MAST4: variants seen among roughly 807,000 people sequenced by gnomAD.
MAST4 encodes the protein microtubule-associated serine/threonine-protein kinase 4.
A neutral mutation model predicts 162.7 loss-of-function variants in MAST4; 89 were observed. The ratio of observed to expected loss-of-function variants is 0.55; its 90% CI spans 0.46 to 0.65. The LOEUF (loss-of-function observed/expected upper bound fraction) is 0.65. Among genes scored for constraint, MAST4 ranks in the 30% least tolerant of loss-of-function variants. The probability of loss-of-function intolerance (pLI) is 0.00; values close to 1 mark genes in which losing one functional copy is unlikely to be tolerated. For missense variants in MAST4, 3,153 were observed against 3,374.0 expected, an observed-to-expected ratio of 0.93 and a Z score of 1.62; for synonymous variants, 1,479 against 1,361.1, an observed-to-expected ratio of 1.09 and a Z score of -1.91.
At chr5:66,637,742 G>T (rs2149430717) in intron 1 of MAST4, among the ~76,000 whole-genome samples, 1 of 151,690 alleles carries the variant, frequency 6.6e-6, no homozygotes, top group Non-Finnish European at 1.5e-5. Flanking sequence ...GTCTTACTCT[G>T]CCTCCCAGGC....
intron 1 of MAST4, among the ~76,000 whole-genome samples, chr5:66,626,956 A>G (rs1420952159): frequency 6.6e-6 from 1 of 152,194 alleles, no homozygotes; most frequent in Non-Finnish European, 1.5e-5. Context: ...CTTACAGGTC[A>G]GGAAGATACG....
chr5:66,791,528 TA>T (rs776305650), intron 3 of MAST4, among the ~76,000 whole-genome samples: 7 of 152,226 alleles, frequency 4.6e-5, no homozygotes, highest in African/African-American at 7.2e-5. Context: ...CTTAAATTAT[TA>T]GCTTGTTTAC....
At chr5:66,642,293 A>G (rs1745538505) in intron 1 of MAST4, among the ~76,000 whole-genome samples, 1 of 152,220 alleles carries the variant, frequency 6.6e-6, no homozygotes, top group Non-Finnish European at 1.5e-5. Context: ...TGCATAGGAC[A>G]AATTATAGAG....
intron 4 of MAST4, among the ~76,000 whole-genome samples, chr5:67,019,407 T>C (rs1274325122): frequency 1.3e-5 from 2 of 152,328 alleles, no homozygotes; most frequent in East Asian, 3.9e-4. Context: ...AAAATACTAA[T>C]GCTAGCTCAG....
At chr5:66,792,278 G>A in intron 3 of MAST4, 1 of 167,882 alleles carries the variant, frequency 6.0e-6, no homozygotes. Context: ...TCTCCTCCTG[G>A]CCTCTCTGTC....
In MAST4 at chr5:66,948,298, G is replaced by A. The variant is rs61374999; in HGVS notation, c.674+48316G>A. ...GGATGATAAGATACGTGTGCAATCTGATTCCAGATTTTAGATTATCTAGAG... is the reference window on the plus strand; with the variant it reads ...GGATGATAAGATACGTGTGCAATCTAATTCCAGATTTTAGATTATCTAGAG... On this transcript the variant is annotated intron_variant, in intron 4 of 28. Transcript: ENST00000403625. 5.4e-4 allele frequency among the ~76,000 whole-genome samples: 82 copies of A among 152,292 alleles called. 1 individual carries two copies. In the East Asian group the frequency reaches 0.015, roughly 27 times the overall value.
At chr5:66,714,105 C>G (rs73112443) in intron 1 of MAST4, among the ~76,000 whole-genome samples, 2,235 of 152,292 alleles carry the variant, frequency 0.015, 53 homozygotes, top group African/African-American at 0.05. Flanking sequence ...GTGTCTAACA[C>G]CAAGTCCCTC....
At chr5:67,006,409 T>G (rs949353944) in intron 4 of MAST4, among the ~76,000 whole-genome samples, 1 of 152,230 alleles carries the variant, frequency 6.6e-6, no homozygotes, top group Non-Finnish European at 1.5e-5. Flanking sequence ...GTGTCAACCA[T>G]GCACCAAACC....
intron 3 of MAST4, among the ~76,000 whole-genome samples, chr5:66,838,847 T>G (rs1218284094): frequency 6.6e-6 from 1 of 152,184 alleles, no homozygotes; most frequent in Admixed American, 6.5e-5. Flanking sequence ...GTCTCAAGAA[T>G]GATGCTGTCT....
intron 4 of MAST4, among the ~76,000 whole-genome samples, chr5:66,910,629 A>G (rs74555555): frequency 0.033 from 4,965 of 152,162 alleles, 148 homozygotes; most frequent in African/African-American, 0.076. Context: ...ATACCACACC[A>G]AATGGTTTTC....
chr5:67,051,387 C>G (rs1310740369), intron 4 of MAST4, among the ~76,000 whole-genome samples: 2 of 152,070 alleles, frequency 1.3e-5, no homozygotes, highest in Non-Finnish European at 2.9e-5. Context: ...TGTGTGATAC[C>G]TGGAGGACAG....
At chr5:66,649,862 C>G (rs770715749) in intron 1 of MAST4, among the ~76,000 whole-genome samples, 1 of 152,122 alleles carries the variant, frequency 6.6e-6, no homozygotes, top group African/African-American at 2.4e-5. Context: ...CCCTAGAGTT[C>G]GAGATCAGTT....
chr5:66,665,828 A>G (rs537220587), intron 1 of MAST4, among the ~76,000 whole-genome samples: 4 of 152,206 alleles, frequency 2.6e-5, no homozygotes, highest in Non-Finnish European at 5.9e-5. Context: ...CTATGGGGTT[A>G]TTGTGAGTAT....
chr5:66,902,682 C>A (rs984375695), intron 4 of MAST4: 1 of 470,426 alleles, frequency 2.1e-6, no homozygotes, highest in Non-Finnish European at 4.4e-6. Context: ...GGGTAATAGA[C>A]AAGAGAAGTG....
intron 4 of MAST4, among the ~76,000 whole-genome samples, chr5:67,006,309 T>C (rs900080102): frequency 1.3e-5 from 2 of 152,246 alleles, no homozygotes; most frequent in Non-Finnish European, 2.9e-5. Context: ...ACCTTTTAAG[T>C]AATGTGACTA....
At chr5:67,022,817 C>G (rs1036662316) in intron 4 of MAST4, among the ~76,000 whole-genome samples, 2 of 151,866 alleles carry the variant, frequency 1.3e-5, no homozygotes, top group African/African-American at 4.8e-5. Context: ...TTCAATTGAT[C>G]TGATTTGTGT....
At chr5:66,661,980 G>T (rs772034973) in intron 1 of MAST4, among the ~76,000 whole-genome samples, 11 of 151,990 alleles carry the variant, frequency 7.2e-5, no homozygotes, top group Non-Finnish European at 1.3e-4. Flanking sequence ...TCAGAAGAGA[G>T]TCATGCATTA....
chr5:66,696,431 ACCT>A (rs1488019922), intron 1 of MAST4, among the ~76,000 whole-genome samples: 6 of 151,760 alleles, frequency 4.0e-5, no homozygotes, highest in African/African-American at 1.5e-4. Context: ...TTTAGTATCA[ACCT>A]CCTAGTCACA....
chr5:66,797,403 G>A (rs1222054675), intron 3 of MAST4, among the ~76,000 whole-genome samples: 1 of 152,152 alleles, frequency 6.6e-6, no homozygotes, highest in Admixed American at 6.5e-5. Context: ...TTTGTGGTTA[G>A]TATAATGAGT....
Sources: allele counts gnomAD v4.1 joint callset (sites outside exome capture counted in the v4.1 genomes callset), GRCh38; gene constraint gnomAD v4.1.1; transcripts MANE v1.5; gene names NCBI Gene and HGNC (gene_info 2026-07-23, HGNC 2026-07-21).